TG: variants seen among roughly 807,000 people sequenced by gnomAD.
The protein encoded by TG is thyroid hormones.
TG carries 270 observed loss-of-function variants against 324.7 expected under a neutral mutation model. The observed-to-expected ratio is 0.83, with a 90% CI of 0.75 to 0.92. TG has a LOEUF of 0.92. TG is among the 40% of genes least tolerant of loss of function. The pLI is 0.00. For missense variants in TG, 3,591 were observed against 3,456.4 expected, an observed-to-expected ratio of 1.04 and a Z score of -0.98; for synonymous variants, 1,401 against 1,327.0, an observed-to-expected ratio of 1.06 and a Z score of -1.21.
chr8:132,992,672 T>C (rs553010831), intron 35 of TG, among the ~76,000 whole-genome samples: 1 of 152,168 alleles, frequency 6.6e-6, no homozygotes, highest in South Asian at 2.1e-4. Context: ...CCAGTGGCTG[T>C]GGGTGCTGCT....
In TG at chr8:132,901,388, C is replaced by G. The variant is rs1420933423; in HGVS notation, c.3469C>G (p.Leu1157Val). Residue 1157 changes from leucine (L) to valine (V), a missense_variant, in exon 16 of 48, where the codon CTC becomes GTC. Physicochemically the swap from Leu to Val is conservative, Grantham distance 32. Coordinates refer to ENST00000220616, the MANE Select transcript of TG (RefSeq NM_003235.5). ...SLCNVLKSGV[L>V]SRRVSPGYVP... ...CTGCAATGTGCTCAAGAGTGGAGTC[C>G]TCTCCAGGAGAGTCAGCCCAGGCTA... The G allele has an allele frequency of 3.7e-6, 6 of 1,614,090 alleles. No individual in the cohort carries two copies. Among genetic ancestry groups the G allele is most frequent in the Non-Finnish European group, 5.1e-6 (6 of 1,180,048 alleles).
rs146147570 is a variant in TG at position 132,988,303 on chromosome 8, A to G, written c.6262+4891A>G. The stretch of plus-strand genomic sequence containing the variant: ...AGTGTGCATCTGTCAGATGGCCAAG[A>G]GGAGAATGGATAGTGTCTGAGGCAG... On this transcript the variant is annotated intron_variant, in intron 35 of 47. Coordinates refer to ENST00000220616, the MANE Select transcript of TG (RefSeq NM_003235.5). Among the ~76,000 whole-genome samples, 247 of 152,242 alleles carry G rather than the reference A, an allele frequency of 1.6e-3. 3 individuals carry two copies. The highest frequency in any genetic ancestry group is 5.8e-3 in the African/African-American group (240 of 41,532).
rs367606897 is a variant in TG at position 133,022,299 on chromosome 8, G to A, written c.7036+149G>A. Reference sequence around the variant, plus strand: ...TTTTAGCACATATGGGAGACCCTCCGGGGATACTGACACCCATAGACAAGG... The same window carrying A: ...TTTTAGCACATATGGGAGACCCTCCAGGGATACTGACACCCATAGACAAGG... On this transcript the variant is annotated intron_variant, in intron 40 of 47. Transcript: ENST00000220616. The A allele has an allele frequency of 3.0e-4, 301 of 993,978 alleles. 4 individuals are homozygous for A. The South Asian group carries it at 3.7e-3, about 12-fold the overall frequency. 61.6% of individuals were successfully genotyped at this position (993,978 alleles called of 1,614,324 possible). A position where few individuals can be genotyped will look rare whatever the true frequency, so the allele number is the denominator to read the frequency against.
intron 39 of TG, among the ~76,000 whole-genome samples, chr8:133,020,226 G>A (rs879319184): frequency 6.6e-6 from 1 of 152,218 alleles, no homozygotes; most frequent in East Asian, 1.9e-4. Context: ...GCATTTCCCA[G>A]TAACAGAGAG....
intron 41 of TG, among the ~76,000 whole-genome samples, chr8:133,052,573 A>T (rs1445920415): frequency 1.3e-5 from 2 of 152,152 alleles, no homozygotes; most frequent in Non-Finnish European, 2.9e-5. Context: ...CAAAAAAGGG[A>T]TTCTTCCCTG....
intron 41 of TG, among the ~76,000 whole-genome samples, chr8:133,035,344 A>G (rs1728669253): frequency 6.6e-6 from 1 of 152,128 alleles, no homozygotes; most frequent in South Asian, 2.1e-4. Flanking sequence ...TTGGAATTTG[A>G]TTTCCAATTT....
chr8:133,061,220 G>T (rs1186162955), intron 41 of TG, among the ~76,000 whole-genome samples: 1 of 152,210 alleles, frequency 6.6e-6, no homozygotes, highest in Admixed American at 6.5e-5. Context: ...ATGTTGCCAG[G>T]CTGATCTTGG....
In TG at chr8:132,887,993, C is replaced by T; in HGVS notation, c.2186C>T (p.Pro729Leu). 6.2e-7 allele frequency: 1 copy of T among 1,613,840 alleles called. No individual in the cohort carries two copies. The highest frequency in any genetic ancestry group is 8.5e-7 in the Non-Finnish European group (1 of 1,179,918). The change falls in exon 10 of 48, where the codon CCC becomes CTC. Residue 729 changes from proline (P) to leucine (L), a missense_variant. Pro to Leu is a moderately conservative substitution (Grantham distance 98). Transcript: ENST00000220616. ...CATTGTTCCTCCCCAGGCCCCACGC[C>T]CTGTCAATTACAGTCTGAGCAAGCT... Reference protein sequence around the residue: ...AIGKPKKCPTPCQLQSEQAFL... With the variant: ...AIGKPKKCPTLCQLQSEQAFL...
chr8:132,948,978 A>G, intron 27 of TG, 35 bp downstream of exon 27: 2 of 1,604,044 alleles, frequency 1.2e-6, no homozygotes, highest in East Asian at 2.2e-5. Flanking sequence ...TTCTTTCAAA[A>G]TTACTCTTCA....
At chr8:133,017,171 C>T (rs1396842711) in intron 37 of TG, among the ~76,000 whole-genome samples, 1 of 152,204 alleles carries the variant, frequency 6.6e-6, no homozygotes, top group Admixed American at 6.5e-5. Context: ...TAGGCCTCCA[C>T]CTCTACATCT....
Position 132,882,931 on chromosome 8 carries a change from G to C in TG, c.1007G>C (p.Cys336Ser). 6.8e-6 allele frequency: 11 copies of C among 1,614,194 alleles called. No individual in the cohort carries two copies. The highest frequency in any genetic ancestry group is 8.5e-6 in the Non-Finnish European group (10 of 1,180,036). The change falls in exon 8 of 48, where the codon TGC (cysteine) becomes TCC (serine). Residue 336 changes from cysteine to serine, a missense_variant. Physicochemically the swap from Cys to Ser is moderately radical, Grantham distance 112. Transcript: ENST00000220616. ...QAVQCQTEGP[C>S]WCVDAQGKEM... ...GTGCAGTGCCAGACGGAAGGGCCCT[G>C]CTGGTGTGTGGACGCCCAGGGGAAG...
At chr8:133,134,493 C>A (rs930151147) in intron 47 of TG, among the ~76,000 whole-genome samples, 183 bp from the exon 48 acceptor site, 3 of 152,158 alleles carry the variant, frequency 2.0e-5, no homozygotes, top group African/African-American at 7.2e-5. Context: ...ACCATTGTAC[C>A]CTTAGCATGT....
intron 41 of TG, among the ~76,000 whole-genome samples, chr8:133,043,880 G>A (rs1039084691): frequency 1.3e-5 from 2 of 152,234 alleles, no homozygotes; most frequent in Non-Finnish European, 2.9e-5. Flanking sequence ...CAAAGCAAAA[G>A]CAACCTCTTT....
intron 41 of TG, chr8:133,045,064 A>G: frequency 1.2e-6 from 2 of 1,614,170 alleles, no homozygotes; most frequent in South Asian, 1.1e-5. Context: ...GGGCAGACGG[A>G]AAATGCGGTA....
At chr8:133,061,255 T>C (rs951121977) in intron 41 of TG, among the ~76,000 whole-genome samples, 1 of 152,210 alleles carries the variant, frequency 6.6e-6, no homozygotes, top group Non-Finnish European at 1.5e-5. Context: ...GTGATCTACC[T>C]GCCTTGGCCT....
intron 35 of TG, among the ~76,000 whole-genome samples, chr8:132,989,900 G>C (rs1832091262): frequency 6.6e-6 from 1 of 152,174 alleles, no homozygotes; most frequent in African/African-American, 2.4e-5. Flanking sequence ...ATCTGGGCCA[G>C]ATTTCACAGC....
chr8:132,923,635 CTG>C lies in TG; in HGVS notation c.4699+131_4699+132del, dbSNP rs2132481207. ...ACTTTTTGTTTTGAAAAATTTTAAT[CTG>C]TGTAGAAGTTGGAAGAACCGCAAAA... is the stretch of plus-strand genomic sequence containing the variant. On this transcript the variant is annotated intron_variant, in intron 22 of 47. Transcript: ENST00000220616. 8 of 1,191,762 alleles carry C rather than the reference CTG, an allele frequency of 6.7e-6. No homozygotes were observed. In the South Asian group the frequency reaches 1.1e-4, roughly 17 times the overall value. The allele number at this position is 1,191,762 out of a possible 1,614,324, so 73.8% of individuals were successfully genotyped here.
chr8:133,089,007 T>C (rs144512933), intron 41 of TG, among the ~76,000 whole-genome samples: 2 of 152,358 alleles, frequency 1.3e-5, no homozygotes, highest in African/African-American at 2.4e-5. Context: ...GGCTGCTCAA[T>C]AGCATGCCAC....
chr8:132,879,374 T>G (rs1184204571), intron 5 of TG, among the ~76,000 whole-genome samples: 2 of 152,228 alleles, frequency 1.3e-5, no homozygotes, highest in Non-Finnish European at 2.9e-5. Context: ...TGGTCTTGGC[T>G]GGATGATCTT....
Sources: gnomAD v4.1 joint callset for allele counts (sites outside exome capture counted in the v4.1 genomes callset) on GRCh38, gnomAD v4.1.1 for gene constraint, MANE v1.5 for transcripts, NCBI Gene and HGNC (gene_info 2026-07-23, HGNC 2026-07-21) for gene names.